MTUS1: variants seen among roughly 807,000 people sequenced by gnomAD.
MTUS1 encodes microtubule associated scaffold protein 1.
A neutral mutation model predicts 120.8 loss-of-function variants in MTUS1; 109 were observed. The observed-to-expected ratio is 0.90, with a 90% CI of 0.77 to 1.06. The LOEUF is 1.06. Among genes scored for constraint, MTUS1 ranks in the 50% least tolerant of loss-of-function variants. The pLI is 0.00. For synonymous variants in MTUS1, 737 were observed against 550.5 expected (o/e 1.34, Z -4.74); for missense variants, 2,210 against 1,486.3 (o/e 1.49, Z -8.01).
At chr8:17,779,523 T>C (rs2050710997) in intron 1 of MTUS1, among the ~76,000 whole-genome samples, 1 of 152,260 alleles carries the variant, frequency 6.6e-6, no homozygotes, top group Admixed American at 6.5e-5. Context: ...CCATTATTTA[T>C]TTAACAAGGT....
At chr8:17,719,704 G>A (rs968201781) in intron 4 of MTUS1, among the ~76,000 whole-genome samples, 8 of 152,150 alleles carry the variant, frequency 5.3e-5, no homozygotes, top group Admixed American at 2.0e-4. Flanking sequence ...TCCTACAGGC[G>A]AATTCTTATC....
intron 8 of MTUS1, among the ~76,000 whole-genome samples, chr8:17,669,702 G>A (rs1006247618): frequency 6.6e-5 from 10 of 152,094 alleles, no homozygotes; most frequent in South Asian, 2.1e-4. Context: ...AAAATTAGCC[G>A]GCCGTGGTGG....
chr8:17,647,353 C>G (rs1452788155), intron 13 of MTUS1: 1 of 308,512 alleles, frequency 3.2e-6, no homozygotes, highest in African/African-American at 2.2e-5. Flanking sequence ...TTTTGGAATT[C>G]TCTAAGAATT....
Position 17,753,987 on chromosome 8 carries a change from G to A in MTUS1, c.1821C>T (p.Ala607=), listed in dbSNP as rs375815032. 2.8e-5 allele frequency: 46 copies of A among 1,614,106 alleles called. No homozygotes were observed. The African/African-American group carries it at 3.1e-4, about 11-fold the overall frequency. The change falls in exon 2 of 15, where the codon GCC becomes GCT. Residue 607 remains alanine, a synonymous_variant. Transcript: ENST00000693296. ...CAACATCTTCCTGATTCGATTTCAC[G>A]GCAGATGTTGTTCTTGGAACCCTGT... ...ASHRVPRTTS[A]VKSNQEDVDK...
At chr8:17,799,336 G>A (rs1310675500) in intron 1 of MTUS1, among the ~76,000 whole-genome samples, 3 of 151,950 alleles carry the variant, frequency 2.0e-5, no homozygotes, top group Non-Finnish European at 4.4e-5. Flanking sequence ...TTCATGACAT[G>A]GAAAATTTTT....
intron 1 of MTUS1, among the ~76,000 whole-genome samples, chr8:17,799,736 C>T (rs2131624711): frequency 6.6e-6 from 1 of 152,160 alleles, no homozygotes; most frequent in Middle Eastern, 3.4e-3. Context: ...TTCTACCAAG[C>T]AGATTTACCA....
At chr8:17,784,973 C>G (rs568473391) in intron 1 of MTUS1, among the ~76,000 whole-genome samples, 1 of 151,132 alleles carries the variant, frequency 6.6e-6, no homozygotes, top group Non-Finnish European at 1.5e-5. Context: ...TTTGTAGAAA[C>G]GGGGTTTCAC....
Position 17,745,203 on chromosome 8 carries a change from T to G in MTUS1, c.2092-1404A>C, listed in dbSNP as rs17125230. 6.8e-3 allele frequency among the ~76,000 whole-genome samples: 1,042 copies of G among 152,350 alleles called. 15 individuals carry two copies. The highest frequency in any genetic ancestry group is 0.023 in the African/African-American group (956 of 41,584). ...GAAAGGAACAATTTCTAAGTGAACG[T>G]GTACAGTTGTCCCTCGGTATCAAAA... On this transcript the variant is annotated intron_variant, in intron 2 of 14. Transcript: ENST00000693296.
chr8:17,785,281 C>A (rs1325611415), intron 1 of MTUS1, among the ~76,000 whole-genome samples: 8 of 152,176 alleles, frequency 5.3e-5, no homozygotes, highest in Non-Finnish European at 8.8e-5. Flanking sequence ...GTAGAAGCGA[C>A]TGGAGGCTAA....
chr8:17,731,037 G>A (rs1203136013), intron 3 of MTUS1, among the ~76,000 whole-genome samples: 1 of 152,094 alleles, frequency 6.6e-6, no homozygotes, highest in Non-Finnish European at 1.5e-5. Context: ...GTTGGAGTAA[G>A]ATATTATAAA....
At chr8:17,800,736 G>T (rs539654334) in intron 1 of MTUS1, 116 of 152,380 alleles carry the variant, frequency 7.6e-4, no homozygotes, top group African/African-American at 2.7e-3. Flanking sequence ...CTTCTGCTGA[G>T]AAGGGGCCCT....
At chr8:17,752,637 T>TCC (rs56264310) in intron 2 of MTUS1, among the ~76,000 whole-genome samples, 1 of 152,086 alleles carries the variant, frequency 6.6e-6, no homozygotes, top group African/African-American at 2.4e-5. Context: ...TCCCTTGTGG[T>TCC]CCCCATGCAC....
At chr8:17,773,829 T>A (rs935483735) in intron 1 of MTUS1, among the ~76,000 whole-genome samples, 2 of 152,006 alleles carry the variant, frequency 1.3e-5, no homozygotes, top group African/African-American at 4.8e-5. Context: ...ATGTCCCTCA[T>A]CACTCCTGTC....
intron 7 of MTUS1, among the ~76,000 whole-genome samples, chr8:17,678,323 ATTCTC>A (rs1353365469): frequency 4.6e-5 from 7 of 152,148 alleles, no homozygotes; most frequent in African/African-American, 1.7e-4. Flanking sequence ...GGTTGATTCA[ATTCTC>A]TTTGTATTGT....
intron 8 of MTUS1, among the ~76,000 whole-genome samples, chr8:17,670,328 AG>A (rs1462402058): frequency 1.3e-5 from 2 of 152,180 alleles, no homozygotes; most frequent in African/African-American, 4.8e-5. Flanking sequence ...ACTGTTGTAT[AG>A]GTAGTAGCGG....
chr8:17,653,404 G>C (rs772809753), intron 11 of MTUS1, 21 bp downstream of exon 11: 1 of 1,579,844 alleles, frequency 6.3e-7, no homozygotes, highest in Admixed American at 1.8e-5. Context: ...GGGGGATACT[G>C]GGATATTGAC....
Position 17,687,290 on chromosome 8 carries a change from T to C in MTUS1, c.2624-2748A>G, listed in dbSNP as rs138286117. 3.0e-3 allele frequency among the ~76,000 whole-genome samples: 454 copies of C among 152,266 alleles called. 2 individuals are homozygous for C. Among genetic ancestry groups the C allele is most frequent in the African/African-American group, 9.9e-3 (410 of 41,550 alleles). Reference sequence around the variant, plus strand: ...GGCAGCCGATGACCCAGTTTCCACATGCTTCCCACTCTCAGCACTCCTGGC... The same window carrying C: ...GGCAGCCGATGACCCAGTTTCCACACGCTTCCCACTCTCAGCACTCCTGGC... On this transcript the variant is annotated intron_variant, in intron 6 of 14. Coordinates refer to ENST00000693296, the MANE Select transcript of MTUS1 (RefSeq NM_001363059.2).
Position 17,653,514 on chromosome 8 carries a change from G to GCAAAA in MTUS1, c.3215-17_3215-16insTTTTG, listed in dbSNP as rs770191496. 25 of 1,576,036 alleles carry GCAAAA rather than the reference G, an allele frequency of 1.6e-5. No individual in the cohort carries two copies. The Admixed American group carries it at 4.1e-4, about 26-fold the overall frequency. On this transcript the variant is annotated splice_polypyrimidine_tract_variant and intron_variant, in intron 10 of 14. Transcript: ENST00000693296. ...TTCTTAATTTCTGGGAAAATAAACG[G>GCAAAA]ATATTTTTGAGGCAATAACATTCTA...
At chr8:17,650,943 C>T (rs28776803) in intron 12 of MTUS1, among the ~76,000 whole-genome samples, 1,976 of 152,192 alleles carry the variant, frequency 0.013, 50 homozygotes, top group African/African-American at 0.045. Context: ...GCTTATCTTC[C>T]GGGGCATTGG....
Sources: allele counts gnomAD v4.1 joint callset (sites outside exome capture counted in the v4.1 genomes callset), GRCh38; gene constraint gnomAD v4.1.1; transcripts MANE v1.5; gene names NCBI Gene and HGNC (gene_info 2026-07-23, HGNC 2026-07-21).